AKAP6: variants seen among roughly 807,000 people sequenced by gnomAD.
The protein encoded by AKAP6 is A-kinase anchor protein 6.
A neutral mutation model predicts 188.5 loss-of-function variants in AKAP6; 58 were observed. The observed-to-expected ratio is 0.31, with a 90% confidence interval of 0.25 to 0.38. AKAP6 has a LOEUF of 0.38. AKAP6 is among the 10% of genes least tolerant of loss of function. The pLI is 1.00. For synonymous variants in AKAP6, 989 were observed against 998.6 expected, an observed-to-expected ratio of 0.99 and a Z score of 0.18; for missense variants, 2,710 against 2,740.0, an observed-to-expected ratio of 0.99 and a Z score of 0.24.
chr14:32,805,316 C>A (rs1311824745), intron 12 of AKAP6, among the ~76,000 whole-genome samples: 5 of 152,158 alleles, frequency 3.3e-5, no homozygotes, highest in Non-Finnish European at 7.3e-5. Context: ...GTTTTGCCAA[C>A]CAAAGAAACC....
At chr14:32,784,865 C>T (rs940874328) in intron 12 of AKAP6, among the ~76,000 whole-genome samples, 1 of 152,042 alleles carries the variant, frequency 6.6e-6, no homozygotes, top group South Asian at 2.1e-4. Flanking sequence ...TGCCTTTCTT[C>T]CCCCTAAGAC....
chr14:32,429,585 T>C (rs1890149203), intron 1 of AKAP6, among the ~76,000 whole-genome samples: 1 of 152,216 alleles, frequency 6.6e-6, no homozygotes, highest in Admixed American at 6.5e-5. Flanking sequence ...AAATGGGCAA[T>C]TAATCCATTT....
At chr14:32,542,312 T>C (rs149938318) in intron 3 of AKAP6, among the ~76,000 whole-genome samples, 7 of 152,252 alleles carry the variant, frequency 4.6e-5, no homozygotes, top group African/African-American at 1.4e-4. Flanking sequence ...AATGTTGTCA[T>C]TCATTCATTC....
At chr14:32,641,063 C>A (rs555745535) in intron 7 of AKAP6, among the ~76,000 whole-genome samples, 2 of 152,100 alleles carry the variant, frequency 1.3e-5, no homozygotes, top group South Asian at 4.2e-4. Flanking sequence ...AATGAGACTG[C>A]AGGAGAAATA....
intron 2 of AKAP6, among the ~76,000 whole-genome samples, chr14:32,465,667 C>G (rs1283683676): frequency 6.6e-6 from 1 of 152,174 alleles, no homozygotes; most frequent in Non-Finnish European, 1.5e-5. Flanking sequence ...AGAACATAGG[C>G]TTGGGCAAAG....
At chr14:32,620,942 T>G (rs11626506) in intron 7 of AKAP6, among the ~76,000 whole-genome samples, 52,171 of 151,826 alleles carry the variant, frequency 0.34, 9,854 homozygotes, top group East Asian at 0.73. Context: ...ATTTTTTAGT[T>G]GTGTGCATAG....
At chr14:32,506,068 G>A (rs957319053) in intron 2 of AKAP6, among the ~76,000 whole-genome samples, 4 of 151,884 alleles carry the variant, frequency 2.6e-5, no homozygotes, top group South Asian at 2.1e-4. Context: ...ACTTGAACCC[G>A]GGAAGCAGAG....
intron 9 of AKAP6, among the ~76,000 whole-genome samples, chr14:32,731,435 A>G (rs2031170692): frequency 6.6e-6 from 1 of 152,110 alleles, no homozygotes; most frequent in African/African-American, 2.4e-5. Context: ...TTTTCTCATT[A>G]ACTCTGATAA....
chr14:32,723,182 T>A (rs923255647), intron 9 of AKAP6, among the ~76,000 whole-genome samples: 27 of 152,212 alleles, frequency 1.8e-4, no homozygotes, highest in African/African-American at 2.7e-4. Flanking sequence ...CTCACTTTTT[T>A]AAAAATTTAC....
At chr14:32,615,843 C>T (rs961940390) in intron 7 of AKAP6, among the ~76,000 whole-genome samples, 1 of 152,124 alleles carries the variant, frequency 6.6e-6, no homozygotes, top group South Asian at 2.1e-4. Flanking sequence ...ATCCGCCCAC[C>T]TCGGCCTCCC....
At chr14:32,510,492 A>ATATATATACACATATATATATATG (rs1881202137) in intron 2 of AKAP6, among the ~76,000 whole-genome samples, 1 of 113,444 alleles carries the variant, frequency 8.8e-6, no homozygotes, top group African/African-American at 3.8e-5. Context: ...ATATATGTGT[A>ATATATATACACATATATATATATG]TATATATATA....
At chr14:32,368,836 C>T (rs1380197825) in intron 1 of AKAP6, among the ~76,000 whole-genome samples, 2 of 151,212 alleles carry the variant, frequency 1.3e-5, no homozygotes, top group Non-Finnish European at 2.9e-5. Context: ...CTAAATAATC[C>T]CTGCCCTCTT....
chr14:32,478,569 C>T (rs1177501907), intron 2 of AKAP6, among the ~76,000 whole-genome samples: 2 of 152,012 alleles, frequency 1.3e-5, no homozygotes, highest in African/African-American at 2.4e-5. Flanking sequence ...AAATTTAATT[C>T]GATGCCAGAA....
rs984108607 is a variant in AKAP6 at position 32,833,387 on chromosome 14, C to T, written c.*3582C>T. Reference sequence around the variant, plus strand: ...CCTCATTTAGTTTCTGATGAAGTTTCTCTACATTTAAGAAAATCTAGTGAG... The same window carrying T: ...CCTCATTTAGTTTCTGATGAAGTTTTTCTACATTTAAGAAAATCTAGTGAG... On this transcript the variant is annotated 3_prime_UTR_variant, in exon 14 of 14. Transcript: ENST00000280979. 1 of 152,134 alleles carries T rather than the reference C, an allele frequency of 6.6e-6. No homozygotes were observed. Among genetic ancestry groups the T allele is most frequent in the African/African-American group, 2.4e-5 (1 of 41,428 alleles). 9.4% of individuals were successfully genotyped at this position (152,134 alleles called of 1,614,324 possible). A position where few individuals can be genotyped will look rare whatever the true frequency, so the allele number is the denominator to read the frequency against.
intron 11 of AKAP6, among the ~76,000 whole-genome samples, chr14:32,764,163 G>C (rs2032631254): frequency 1.3e-5 from 2 of 152,010 alleles, no homozygotes; most frequent in South Asian, 4.2e-4. Flanking sequence ...TACTCCCACT[G>C]TCCCCAGGAA....
rs542522671 is a variant in AKAP6 at position 32,472,705 on chromosome 14, TC to T, written c.324+38889del. On this transcript the variant is annotated intron_variant, in intron 2 of 13. Transcript: ENST00000280979. ...ACAGCCTGGCTGCCAACTGTTGGGC[TC>T]ATTGTGCTCTGGCTGAATTTAGTTC... Among the ~76,000 whole-genome samples the T allele has an allele frequency of 4.1e-3, 625 of 152,294 alleles. 1 individual carries two copies. Among genetic ancestry groups the T allele is most frequent in the Non-Finnish European group, 7.4e-3 (505 of 68,004 alleles).
At chr14:32,510,840 T>A (rs1488533832) in intron 2 of AKAP6, among the ~76,000 whole-genome samples, 1 of 152,164 alleles carries the variant, frequency 6.6e-6, no homozygotes, top group African/African-American at 2.4e-5. Context: ...ATGTGAAATC[T>A]CTGGAGTCAT....
chr14:32,510,394 G>GTATATATATATGTGTA (rs61206931), intron 2 of AKAP6, among the ~76,000 whole-genome samples: 1 of 63,290 alleles, frequency 1.6e-5, no homozygotes, highest in Non-Finnish European at 3.2e-5. Context: ...ATATATATGT[G>GTATATATATATGTGTA]TATATATATG....
intron 1 of AKAP6, among the ~76,000 whole-genome samples, chr14:32,396,070 A>G (rs558547843): frequency 6.6e-6 from 1 of 152,324 alleles, no homozygotes; most frequent in Non-Finnish European, 1.5e-5. Flanking sequence ...CAGTGAAGAA[A>G]TGATCAAAAG....
Sources: allele counts gnomAD v4.1 joint callset (sites outside exome capture counted in the v4.1 genomes callset), GRCh38; gene constraint gnomAD v4.1.1; transcripts MANE v1.5; gene names NCBI Gene and HGNC (gene_info 2026-07-23, HGNC 2026-07-21).